The following CACTIN variants were observed in gnomAD, a reference collection of about 807,000 sequenced individuals.
The protein encoded by CACTIN is cactin, spliceosome C complex subunit, also known as splicing factor Cactin.
Under a neutral mutation model 84.9 loss-of-function variants are expected in CACTIN, and 20 were observed. That is an observed-to-expected ratio of 0.24 (90% CI 0.17 to 0.34). The LOEUF (loss-of-function observed/expected upper bound fraction) is 0.34, where lower values mean the gene tolerates loss of function less well. Among genes scored for constraint, CACTIN ranks in the 10% least tolerant of loss-of-function variants. The probability of loss-of-function intolerance (pLI) is 1.00; values close to 1 mark genes in which losing one functional copy is unlikely to be tolerated. For missense variants in CACTIN, 897 were observed against 1,117.2 expected (o/e 0.80, Z 2.81); for synonymous variants, 549 against 467.9 (o/e 1.17, Z -2.24).
Position 3,612,993 on chromosome 19 carries a change from T to C in CACTIN, c.1786+65A>G, listed in dbSNP as rs2033003589. The stretch of plus-strand genomic sequence containing the variant: ...AGCGGCTTCGGCCGGGAAATGAGGC[T>C]GGAGAAGCCCCGCCCCCAGCTCGCC... On this transcript the variant is annotated intron_variant, in intron 9 of 9. Transcript: ENST00000429344. The C allele has an allele frequency of 3.3e-6, 5 of 1,493,050 alleles. No individual in the cohort carries two copies. In the African/African-American group the frequency reaches 4.2e-5, roughly 12 times the overall value. 92.5% of individuals were successfully genotyped at this position (1,493,050 alleles called of 1,614,324 possible). A position where few individuals can be genotyped will look rare whatever the true frequency, so the allele number is the denominator to read the frequency against.
At position 3,615,358 on chromosome 19, in the gene CACTIN, G is replaced by A. The variant is rs1385111056; in HGVS notation, c.1163-769C>T. 1 of 153,918 alleles carries A rather than the reference G, an allele frequency of 6.5e-6. No individual in the cohort carries two copies. The highest frequency in any genetic ancestry group is 2.4e-5 in the African/African-American group (1 of 41,428). 9.5% of individuals were successfully genotyped at this position (153,918 alleles called of 1,614,324 possible). ...ACCACGTGGCATCCCGGCGGCCTCA[G>A]TGCTGCTCTCAGGCCACTTCCACCC... On this transcript the variant is annotated intron_variant, in intron 6 of 9. Transcript: ENST00000429344. The surrounding 1 kb of genome is among the most constrained non-coding windows in gnomAD (Gnocchi z 5.2).
intron 7 of CACTIN, 145 bp downstream of exon 7, chr19:3,614,252 C>T: frequency 5.8e-6 from 5 of 858,466 alleles, no homozygotes; most frequent in Non-Finnish European, 7.3e-6. Context: ...CACAGGCTGG[C>T]CCCGGCCAGT....
intron 7 of CACTIN, chr19:3,613,973 C>T (rs2033044543): frequency 4.8e-6 from 2 of 413,638 alleles, no homozygotes; most frequent in African/African-American, 4.0e-5. Context: ...CAAAAACACT[C>T]CAGAAATCTG....
At position 3,613,445 on chromosome 19, in the gene CACTIN, G is replaced by T; in HGVS notation, c.1478+19C>A. On this transcript the variant is annotated intron_variant, in intron 8 of 9. Coordinates refer to ENST00000429344, the MANE Select transcript of CACTIN (RefSeq NM_001080543.2). Reference sequence around the variant, plus strand: ...CTCCGCGTCTGCATCGGCGTCCCCGGGGTGCCGGCCGGGCCTACCTGCGGC... The same window carrying T: ...CTCCGCGTCTGCATCGGCGTCCCCGTGGTGCCGGCCGGGCCTACCTGCGGC... 6.4e-7 allele frequency: 1 copy of T among 1,563,604 alleles called. No individual in the cohort carries two copies. The highest frequency in any genetic ancestry group is 8.6e-7 in the Non-Finnish European group (1 of 1,160,100).
At position 3,618,857 on chromosome 19, in the gene CACTIN, G is replaced by A. The variant is rs761159062; in HGVS notation, c.1162+18C>T. ...CCCCCGCAGCTCCCCTGGAGCCCAG[G>A]CCCATGCCCGCCGTTACCTGGCCCC... On this transcript the variant is annotated intron_variant, in intron 6 of 9. Coordinates refer to ENST00000429344, the MANE Select transcript of CACTIN (RefSeq NM_001080543.2). 17 of 1,532,796 alleles carry A rather than the reference G, an allele frequency of 1.1e-5. No individual in the cohort carries two copies. Among genetic ancestry groups the A allele is most frequent in the Non-Finnish European group, 1.5e-5 (17 of 1,132,836 alleles). The allele number at this position is 1,532,796 out of a possible 1,614,324, so 94.9% of individuals were successfully genotyped here.
chr19:3,615,006 C>T lies in CACTIN; in HGVS notation c.1163-417G>A, dbSNP rs2033072594. The T allele has an allele frequency of 7.4e-6, 2 of 269,190 alleles. No individual in the cohort carries two copies. The highest frequency in any genetic ancestry group is 8.9e-5 in the South Asian group (2 of 22,382). The allele number at this position is 269,190 out of a possible 1,614,324, so 16.7% of individuals were successfully genotyped here. On this transcript the variant is annotated intron_variant, in intron 6 of 9. Coordinates refer to ENST00000429344, the MANE Select transcript of CACTIN (RefSeq NM_001080543.2). This position sits in a 1 kb window ranked among gnomAD's most constrained non-coding sequence, Gnocchi z 5.2. ...GGGGGTTGGGGGGTGTGCTCGGTAGCCAGGCTCTCTGGAATTCAGATCTTC... is the reference window on the plus strand; with the variant it reads ...GGGGGTTGGGGGGTGTGCTCGGTAGTCAGGCTCTCTGGAATTCAGATCTTC...
Position 3,611,081 on chromosome 19 carries a change from G to A in CACTIN, c.*842C>T. The A allele has an allele frequency of 2.5e-6, 1 of 399,256 alleles. No individual in the cohort carries two copies. Among genetic ancestry groups the A allele is most frequent in the Non-Finnish European group, 5.1e-6 (1 of 197,606 alleles). 24.7% of individuals were successfully genotyped at this position (399,256 alleles called of 1,614,324 possible). A position where few individuals can be genotyped will look rare whatever the true frequency, so the allele number is the denominator to read the frequency against. On this transcript the variant is annotated 3_prime_UTR_variant, in exon 10 of 10. Transcript: ENST00000429344. Reference sequence around the variant, plus strand: ...GCAGGCCAGGTGGGGGGATCCCTGGGGGAAGCCCCTCACCCTTCTCCAACC... The same window carrying A: ...GCAGGCCAGGTGGGGGGATCCCTGGAGGAAGCCCCTCACCCTTCTCCAACC...
intron 2 of CACTIN, among the ~76,000 whole-genome samples, chr19:3,622,818 G>A (rs2033252177): frequency 6.6e-6 from 1 of 152,264 alleles, no homozygotes; most frequent in South Asian, 2.1e-4. Context: ...GCCTGGAACT[G>A]TGGAACCCTG....
chr19:3,621,396 G>A (rs564494956), intron 2 of CACTIN, among the ~76,000 whole-genome samples: 15 of 152,118 alleles, frequency 9.9e-5, no homozygotes, highest in Non-Finnish European at 1.6e-4. Flanking sequence ...AGAGCCTGGC[G>A]CGGAGCCCCC....
chr19:3,623,343 C>A lies in CACTIN; in HGVS notation c.642+345G>T, dbSNP rs182375953. ...AGGAGATCGAGACCATCCTGGCTAA[C>A]ATGGTGAAACCCTGTCTCTACTAAA... On this transcript the variant is annotated intron_variant, in intron 2 of 9. Coordinates refer to ENST00000429344, the MANE Select transcript of CACTIN (RefSeq NM_001080543.2). Among the ~76,000 whole-genome samples the A allele has an allele frequency of 1.4e-4, 22 of 152,194 alleles. No homozygotes were observed. In the East Asian group the frequency reaches 4.3e-3, roughly 29 times the overall value.
In CACTIN at chr19:3,613,164, G is replaced by T; in HGVS notation, c.1680C>A (p.Ser560Arg). 1 of 1,610,750 alleles carries T rather than the reference G, an allele frequency of 6.2e-7. No individual in the cohort carries two copies. The highest frequency in any genetic ancestry group is 8.5e-7 in the Non-Finnish European group (1 of 1,179,364). ...SLDDYDAGRY[S>R]PRLLTAHELP... ...GCTCGTGCGCCGTGAGCAGCCGCGG[G>T]CTGTACCTGCCGGCGTCGTAGTCGT... is the stretch of plus-strand genomic sequence containing the variant. The change falls in exon 9 of 10, where the codon AGC becomes AGA. Residue 560 changes from serine to arginine, a missense_variant. By Grantham distance (110) the Ser-to-Arg change is moderately radical (BLOSUM62 -1). Around this residue, in one of 8 missense-constraint regions of CACTIN, gnomAD observed 243 missense variants for 239.9 expected, o/e 1.01. Transcript: ENST00000429344.
Position 3,613,230 on chromosome 19 carries a change from C to G in CACTIN, c.1614G>C (p.Glu538Asp). 6.2e-7 allele frequency: 1 copy of G among 1,604,196 alleles called. No individual in the cohort carries two copies. The highest frequency in any genetic ancestry group is 8.5e-7 in the Non-Finnish European group (1 of 1,173,910). ...TCAGGTCCTCCTCCATGAGCACCGCCTCGCCCTCGCCCTCGCCCTCACCGT... is the reference window on the plus strand; with the variant it reads ...TCAGGTCCTCCTCCATGAGCACCGCGTCGCCCTCGCCCTCGCCCTCACCGT... ...DGDGEGEGEG[E>D]AVLMEEDLIQ... Residue 538 changes from glutamate to aspartate, a missense_variant, in exon 9 of 10, where the codon GAG becomes GAC. Glu to Asp is a conservative substitution (Grantham distance 45). Transcript: ENST00000429344.
intron 4 of CACTIN, among the ~76,000 whole-genome samples, chr19:3,619,886 G>C (rs1472972193): frequency 2.0e-5 from 3 of 152,196 alleles, no homozygotes; most frequent in African/African-American, 7.2e-5. Flanking sequence ...AGTCAGTGCA[G>C]GACTGGCGTC....
rs192869044 is a variant in CACTIN, at chr19:3,619,919, A to C, written c.884+208T>G. Among the ~76,000 whole-genome samples the C allele has an allele frequency of 3.5e-3, 533 of 152,166 alleles. 2 individuals carry two copies. Among genetic ancestry groups the C allele is most frequent in the Non-Finnish European group, 5.8e-3 (397 of 67,986 alleles). ...GTCCAGCATGCGTGGGGTGCCGTTC[A>C]CCTGGGCCCGTCTCCTCTGCACCCT... is the stretch of plus-strand genomic sequence containing the variant. On this transcript the variant is annotated intron_variant, in intron 4 of 9. Coordinates refer to ENST00000429344, the MANE Select transcript of CACTIN (RefSeq NM_001080543.2).
At position 3,615,252 on chromosome 19, in the gene CACTIN, G is replaced by A. The variant is rs1051012217; in HGVS notation, c.1163-663C>T. 1 of 157,126 alleles carries A rather than the reference G, an allele frequency of 6.4e-6. No individual in the cohort carries two copies. Among genetic ancestry groups the A allele is most frequent in the Non-Finnish European group, 1.4e-5 (1 of 71,032 alleles). 9.7% of individuals were successfully genotyped at this position (157,126 alleles called of 1,614,324 possible). On this transcript the variant is annotated intron_variant, in intron 6 of 9. Coordinates refer to ENST00000429344, the MANE Select transcript of CACTIN (RefSeq NM_001080543.2). This position sits in a 1 kb window ranked among gnomAD's most constrained non-coding sequence, Gnocchi z 5.2. ...GGGCCCGAGGCTCAAGTCCCTCCTC[G>A]ATAGACGGGGAGGCTGCTGAGGGCG...
Position 3,612,271 on chromosome 19 carries a change from C to G in CACTIN, c.1929G>C (p.Pro643=), listed in dbSNP as rs954031548. 2.5e-6 allele frequency: 4 copies of G among 1,613,128 alleles called. No homozygotes were observed. The South Asian group carries it at 4.4e-5, about 18-fold the overall frequency. The part of the protein sequence containing the change: ...LWADKYRPRK[P]RFFNRVHTGF... ...CCGTGTGCACGCGGTTGAAGAAGCG[C>G]GGCTTGCGTGGCCGGTACTTGTCGG... Residue 643 remains proline (P), a synonymous_variant, in exon 10 of 10, where the codon CCG becomes CCC. Transcript: ENST00000429344.
At chr19:3,619,922 TG>T (rs1383515220) in intron 4 of CACTIN, among the ~76,000 whole-genome samples, 1 of 152,118 alleles carries the variant, frequency 6.6e-6, no homozygotes, top group Non-Finnish European at 1.5e-5. Context: ...GCCGTTCACC[TG>T]GGCCCGTCTC....
chr19:3,615,692 G>T lies in CACTIN; in HGVS notation c.1163-1103C>A. 1 of 152,322 alleles carries T rather than the reference G, an allele frequency of 6.6e-6. No homozygotes were observed. Among genetic ancestry groups the T allele is most frequent in the Non-Finnish European group, 1.5e-5 (1 of 68,154 alleles). The allele number at this position is 152,322 out of a possible 1,614,324, so 9.4% of individuals were successfully genotyped here. The stretch of plus-strand genomic sequence containing the variant: ...ATAGCTGCTGGTGACACACTGGGCG[G>T]GGGTGACCAGTGCAGGCACCCTGCT... On this transcript the variant is annotated intron_variant, in intron 6 of 9. Transcript: ENST00000429344. The surrounding 1 kb of genome is among the most constrained non-coding windows in gnomAD (Gnocchi z 5.2).
At chr19:3,621,005 G>A in intron 2 of CACTIN, 1 of 686,458 alleles carries the variant, frequency 1.5e-6, no homozygotes, top group Non-Finnish European at 2.7e-6. Flanking sequence ...CCCACTGGGA[G>A]TGAGATGTAT....
Sources: allele counts gnomAD v4.1 joint callset (sites outside exome capture counted in the v4.1 genomes callset), GRCh38; gene constraint gnomAD v4.1.1; regional missense constraint gnomAD v4.1.1; non-coding constraint Gnocchi (gnomAD v3.1); transcripts MANE v1.5; gene names NCBI Gene and HGNC (gene_info 2026-07-23, HGNC 2026-07-21).